The following RAB38 variants were observed in gnomAD, a reference collection of about 807,000 sequenced individuals.
The protein encoded by RAB38 is RAB38, member RAS oncogene family.
In RAB38, 15 loss-of-function variants were observed where a neutral mutation model predicts 18.4. That is an observed-to-expected ratio of 0.82 (90% CI 0.55 to 1.26). RAB38 has a LOEUF of 1.26. Among genes scored for constraint, RAB38 ranks in the 50% most tolerant of loss-of-function variants. The pLI is 0.00. For missense variants in RAB38, 294 were observed against 267.4 expected (o/e 1.10, Z -0.69); for synonymous variants, 101 against 104.4 (o/e 0.97, Z 0.20).
Position 88,156,657 on chromosome 11 carries a change from A to T in RAB38, c.203-6702T>A, listed in dbSNP as rs988461824. 7.9e-5 allele frequency among the ~76,000 whole-genome samples: 12 copies of T among 152,308 alleles called. No homozygotes were observed. The South Asian group carries it at 2.5e-3, about 32-fold the overall frequency. ...GTGGAGGTTGCAGTGAGCCAAGATC[A>T]TGCCACTGCACTCCAGCCTGGGCGA... On this transcript the variant is annotated intron_variant, in intron 1 of 2. Coordinates refer to ENST00000243662, the MANE Select transcript of RAB38 (RefSeq NM_022337.3).
chr11:88,036,788 T>C, the RAB38 span, among the ~76,000 whole-genome samples: 5 of 151,964 alleles, frequency 3.3e-5, no homozygotes, highest in Non-Finnish European at 7.4e-5. Context: ...CTAATACTAA[T>C]ATAAGGATTT....
At chr11:88,006,400 TG>T in the RAB38 span, among the ~76,000 whole-genome samples, 6 of 151,380 alleles carry the variant, frequency 4.0e-5, no homozygotes, top group Admixed American at 4.0e-4. Flanking sequence ...AACCACCATA[TG>T]ATCCAGAAAT....
chr11:88,039,893 G>A, the RAB38 span, among the ~76,000 whole-genome samples: 1 of 152,160 alleles, frequency 6.6e-6, no homozygotes, highest in African/African-American at 2.4e-5. Flanking sequence ...TGTCTTTGCT[G>A]CATCTGATCA....
chr11:87,932,901 T>C, the RAB38 span, among the ~76,000 whole-genome samples: 740 of 152,254 alleles, frequency 4.9e-3, 8 homozygotes, highest in African/African-American at 0.017. Flanking sequence ...GGTCATATTA[T>C]TGAAATTTTA....
intron 1 of RAB38, among the ~76,000 whole-genome samples, chr11:88,172,223 C>T (rs984961279): frequency 3.3e-5 from 5 of 152,342 alleles, no homozygotes; most frequent in African/African-American, 1.2e-4. Flanking sequence ...TCTGAACACA[C>T]AGCTGACCTT....
At chr11:88,174,017 G>C in intron 1 of RAB38, 1 of 985,390 alleles carries the variant, frequency 1.0e-6, no homozygotes, top group Non-Finnish European at 1.2e-6. Context: ...GCTAGTTTGG[G>C]TCCAGCACTT....
chr11:88,048,203 G>A, the RAB38 span, among the ~76,000 whole-genome samples: 1 of 152,074 alleles, frequency 6.6e-6, no homozygotes, highest in African/African-American at 2.4e-5. Context: ...ATACCTCTTG[G>A]TCTGGGTAGA....
the RAB38 span, among the ~76,000 whole-genome samples, chr11:87,941,214 G>GAT: frequency 0.25 from 15,667 of 62,238 alleles, 2,059 homozygotes; most frequent in Middle Eastern, 0.31. Context: ...AAATATATGA[G>GAT]ATATATATAT....
intron 1 of RAB38, among the ~76,000 whole-genome samples, chr11:88,151,885 A>G (rs543773124): frequency 6.6e-6 from 1 of 152,318 alleles, no homozygotes; most frequent in African/African-American, 2.4e-5. Context: ...CTGGAAAAAA[A>G]GAGTATTTTG....
the RAB38 span, among the ~76,000 whole-genome samples, chr11:87,920,843 G>A: frequency 6.6e-6 from 1 of 152,012 alleles, no homozygotes; most frequent in Admixed American, 6.6e-5. Flanking sequence ...TGTATTTGCA[G>A]TTGTTGCATT....
chr11:88,050,725 C>T, the RAB38 span, among the ~76,000 whole-genome samples: 1 of 152,112 alleles, frequency 6.6e-6, no homozygotes, highest in African/African-American at 2.4e-5. Context: ...GATTCTTGTT[C>T]CAGTTAAGAT....
the RAB38 span, among the ~76,000 whole-genome samples, chr11:87,856,815 T>A: frequency 6.6e-6 from 1 of 152,262 alleles, no homozygotes; most frequent in Admixed American, 6.5e-5. Context: ...ACCTAGATCA[T>A]CAAGGCTTAT....
the RAB38 span, among the ~76,000 whole-genome samples, chr11:88,045,964 A>G: frequency 6.6e-6 from 1 of 152,040 alleles, no homozygotes; most frequent in Non-Finnish European, 1.5e-5. Context: ...ACTTTAACTA[A>G]ATTATCTGCT....
the RAB38 span, chr11:87,816,866 A>G: frequency 1.3e-5 from 2 of 152,156 alleles, no homozygotes; most frequent in Admixed American, 6.5e-5. Context: ...CTAAGAATCT[A>G]TATTTTTACC....
intron 2 of RAB38, among the ~76,000 whole-genome samples, chr11:88,141,421 A>T (rs1181299202): frequency 6.6e-6 from 1 of 152,170 alleles, no homozygotes; most frequent in Non-Finnish European, 1.5e-5. Context: ...GCTAAGAATT[A>T]TTTGGCCCCA....
chr11:88,019,884 G>A, the RAB38 span, among the ~76,000 whole-genome samples: 1 of 152,050 alleles, frequency 6.6e-6, no homozygotes, highest in East Asian at 1.9e-4. Context: ...CCATATGATA[G>A]TACTTAATAT....
At chr11:87,933,511 A>C in the RAB38 span, among the ~76,000 whole-genome samples, 6 of 152,100 alleles carry the variant, frequency 3.9e-5, no homozygotes, top group African/African-American at 1.4e-4. Context: ...CTGAAGACTT[A>C]AGCTTTCAGA....
At chr11:87,895,730 G>T in the RAB38 span, among the ~76,000 whole-genome samples, 734 of 151,596 alleles carry the variant, frequency 4.8e-3, 5 homozygotes, top group African/African-American at 0.017. Flanking sequence ...CAATAAGTAA[G>T]CAAAATTTGA....
chr11:88,141,115 A>G (rs1942906871), intron 2 of RAB38, among the ~76,000 whole-genome samples: 1 of 152,122 alleles, frequency 6.6e-6, no homozygotes, highest in South Asian at 2.1e-4. Flanking sequence ...ACAGGCCTAC[A>G]AGTATTCTTT....
Sources: gnomAD v4.1 joint callset for allele counts (sites outside exome capture counted in the v4.1 genomes callset) on GRCh38, gnomAD v4.1.1 for gene constraint, MANE v1.5 for transcripts, NCBI Gene and HGNC (gene_info 2026-07-23, HGNC 2026-07-21) for gene names.